Variants in DSCAML1 observed in about 807,000 individuals in gnomAD.
DSCAML1 encodes the protein cell adhesion molecule DSCAML1.
Under a neutral mutation model 200.5 loss-of-function variants are expected in DSCAML1, and 38 were observed. The ratio of observed to expected loss-of-function variants is 0.19; its 90% CI spans 0.15 to 0.25. DSCAML1 has a LOEUF of 0.25. DSCAML1 is among the 10% of genes least tolerant of loss of function. The pLI, the probability that DSCAML1 is intolerant of heterozygous loss-of-function variation, is 1.00. For synonymous variants in DSCAML1, 1,215 were observed against 1,165.0 expected (o/e 1.04, Z -0.87); for missense variants, 2,223 against 2,858.8 (o/e 0.78, Z 5.07).
intron 3 of DSCAML1, among the ~76,000 whole-genome samples, chr11:117,688,236 A>G (rs1340350061): frequency 1.3e-5 from 2 of 152,244 alleles, no homozygotes; most frequent in African/African-American, 4.8e-5. Context: ...AGGGGCAGAG[A>G]AGGCAGGGAC....
intron 3 of DSCAML1, among the ~76,000 whole-genome samples, chr11:117,703,751 G>A (rs1009643986): frequency 6.6e-6 from 1 of 152,188 alleles, no homozygotes; most frequent in Non-Finnish European, 1.5e-5. Flanking sequence ...CCAAGGGCAG[G>A]GACTTTGACC....
In DSCAML1 at chr11:117,557,686, G is replaced by C. The variant is rs530341335; in HGVS notation, c.512-25164C>G. Among the ~76,000 whole-genome samples the C allele has an allele frequency of 3.9e-5, 6 of 152,334 alleles. No individual in the cohort carries two copies. The East Asian group carries it at 1.2e-3, about 29-fold the overall frequency. ...TGCAGAAGGTGCTTAGTCCAGTGTG[G>C]GCTATAAAGTGCCACTTGGCTGTGG... On this transcript the variant is annotated intron_variant, in intron 3 of 32. Coordinates refer to ENST00000651296, the MANE Select transcript of DSCAML1 (RefSeq NM_020693.4).
upstream of DSCAML1, chr11:117,800,891 TA>T (rs1198746998): frequency 6.6e-6 from 1 of 152,242 alleles, no homozygotes; most frequent in Non-Finnish European, 1.5e-5. Flanking sequence ...TAAGCTTATA[TA>T]TTTTGGATAC....
intron 3 of DSCAML1, among the ~76,000 whole-genome samples, chr11:117,632,306 G>A (rs1360461255): frequency 6.6e-6 from 1 of 152,234 alleles, no homozygotes; most frequent in African/African-American, 2.4e-5. Flanking sequence ...AGAGAGGCCA[G>A]TTCATTTTCA....
Position 117,647,905 on chromosome 11 carries a change from A to G in DSCAML1, c.512-115383T>C, listed in dbSNP as rs577155636. On this transcript the variant is annotated intron_variant, in intron 3 of 32. Coordinates refer to ENST00000651296, the MANE Select transcript of DSCAML1 (RefSeq NM_020693.4). The stretch of plus-strand genomic sequence containing the variant: ...CCACCAACCCCCAGCAGCACAAGTG[A>G]CCCTGTGCCCTTGTGGCCATGTCAC... 5.3e-5 allele frequency among the ~76,000 whole-genome samples: 8 copies of G among 152,136 alleles called. No individual in the cohort carries two copies. The East Asian group carries it at 1.4e-3, about 26-fold the overall frequency.
intron 3 of DSCAML1, among the ~76,000 whole-genome samples, chr11:117,538,539 C>G (rs1202205778): frequency 2.0e-5 from 3 of 152,226 alleles, no homozygotes; most frequent in East Asian, 3.8e-4. Context: ...GATGAAGAAG[C>G]CTCCTTGGCA....
chr11:117,565,018 G>T (rs147323677), intron 3 of DSCAML1, among the ~76,000 whole-genome samples: 1 of 151,978 alleles, frequency 6.6e-6, no homozygotes, highest in Admixed American at 6.6e-5. Flanking sequence ...TGCCCACCTC[G>T]GCCTCCCAAA....
intron 3 of DSCAML1, among the ~76,000 whole-genome samples, chr11:117,754,912 C>T (rs900734611): frequency 2.0e-5 from 3 of 152,166 alleles, no homozygotes; most frequent in South Asian, 2.1e-4. Context: ...AGATCCCCAG[C>T]GTGGGAGGAG....
At chr11:117,767,574 A>G (rs1052754449) in intron 3 of DSCAML1, among the ~76,000 whole-genome samples, 2 of 152,200 alleles carry the variant, frequency 1.3e-5, no homozygotes, top group Admixed American at 1.3e-4. Context: ...TCTGAGTCCG[A>G]GGCTTCCTTT....
intron 3 of DSCAML1, among the ~76,000 whole-genome samples, chr11:117,571,651 G>T (rs1237320712): frequency 6.6e-6 from 1 of 152,106 alleles, no homozygotes; most frequent in Non-Finnish European, 1.5e-5. Flanking sequence ...CCTGGGTCTG[G>T]GTCCTCAGCC....
At chr11:117,578,066 C>G (rs1402082947) in intron 3 of DSCAML1, among the ~76,000 whole-genome samples, 1 of 151,548 alleles carries the variant, frequency 6.6e-6, no homozygotes, top group Non-Finnish European at 1.5e-5. Context: ...GAAACCCTGT[C>G]TTTACTAAAA....
At chr11:117,721,623 A>G (rs2054042297) in intron 3 of DSCAML1, among the ~76,000 whole-genome samples, 1 of 148,436 alleles carries the variant, frequency 6.7e-6, no homozygotes, top group Non-Finnish European at 1.5e-5. Flanking sequence ...ATATAAATAT[A>G]TGTAATATAT....
intron 3 of DSCAML1, among the ~76,000 whole-genome samples, chr11:117,681,309 A>G (rs549634963): frequency 6.6e-6 from 1 of 152,282 alleles, no homozygotes; most frequent in South Asian, 2.1e-4. Context: ...CAGAATCTCC[A>G]GCCCCTCCTG....
At chr11:117,597,657 T>C (rs537141292) in intron 3 of DSCAML1, among the ~76,000 whole-genome samples, 1 of 152,180 alleles carries the variant, frequency 6.6e-6, no homozygotes, top group Non-Finnish European at 1.5e-5. Flanking sequence ...GGTTTCATCA[T>C]GTTGGCCAGG....
At chr11:117,709,751 A>ACTGGAAGT in intron 3 of DSCAML1, 1 of 454,706 alleles carries the variant, frequency 2.2e-6, no homozygotes, top group South Asian at 1.6e-5. Context: ...TCTTCAGGGC[A>ACTGGAAGT]CTGGAAAGTC....
intron 3 of DSCAML1, among the ~76,000 whole-genome samples, chr11:117,771,975 C>A (rs1437583873): frequency 6.6e-6 from 1 of 152,052 alleles, no homozygotes; most frequent in Non-Finnish European, 1.5e-5. Context: ...CTGCGGCAGA[C>A]AGATAGAAAT....
At chr11:117,701,839 T>C (rs1328545956) in intron 3 of DSCAML1, among the ~76,000 whole-genome samples, 1 of 152,170 alleles carries the variant, frequency 6.6e-6, no homozygotes, top group Admixed American at 6.5e-5. Context: ...GTCCTGGGGA[T>C]GTCATCCCCG....
At position 117,480,438 on chromosome 11, in the gene DSCAML1, C is replaced by T. The variant is rs2137210550; in HGVS notation, c.2785+5G>A. ...ACGCTGTCACCCTCCTGGCCCAGCG[C>T]CTACCTGATTTGTTCTTGTATTCAA... On this transcript the variant is annotated splice_donor_5th_base_variant and intron_variant, in intron 14 of 32. Coordinates refer to ENST00000651296, the MANE Select transcript of DSCAML1 (RefSeq NM_020693.4). The surrounding 1 kb of genome is among the most constrained non-coding windows in gnomAD (Gnocchi z 4.1). The T allele has an allele frequency of 6.2e-7, 1 of 1,613,496 alleles. No homozygotes were observed. The highest frequency in any genetic ancestry group is 1.7e-4 in the Middle Eastern group (1 of 6,060).
intron 3 of DSCAML1, among the ~76,000 whole-genome samples, chr11:117,537,935 C>T (rs1419630222): frequency 1.3e-5 from 2 of 152,216 alleles, no homozygotes; most frequent in African/African-American, 4.8e-5. Flanking sequence ...ACCCAGTTTG[C>T]AGTGATTTCT....
Sources: gnomAD v4.1 joint callset for allele counts (sites outside exome capture counted in the v4.1 genomes callset) on GRCh38, gnomAD v4.1.1 for gene constraint, Gnocchi (gnomAD v3.1) non-coding constraint, MANE v1.5 for transcripts, NCBI Gene and HGNC (gene_info 2026-07-23, HGNC 2026-07-21) for gene names.